NAV2: variants seen among roughly 807,000 people sequenced by gnomAD.
NAV2 encodes the protein neuron navigator 2.
NAV2 carries 54 observed loss-of-function variants against 223.2 expected under a neutral mutation model. That is an observed-to-expected ratio of 0.24 (90% CI 0.19 to 0.30). NAV2 has a LOEUF of 0.30. Among genes scored for constraint, NAV2 ranks in the 10% least tolerant of loss-of-function variants. The probability of loss-of-function intolerance (pLI) is 1.00; values close to 1 mark genes in which losing one functional copy is unlikely to be tolerated. For synonymous variants in NAV2, 1,279 were observed against 1,239.3 expected, an observed-to-expected ratio of 1.03 and a Z score of -0.67; for missense variants, 2,806 against 3,147.5, an observed-to-expected ratio of 0.89 and a Z score of 2.60.
intron 6 of NAV2, among the ~76,000 whole-genome samples, chr11:19,916,355 T>C (rs2043805127): frequency 6.6e-6 from 1 of 152,114 alleles, no homozygotes; most frequent in Admixed American, 6.5e-5. Context: ...CCAATTTTAC[T>C]AAGAAAGAGA....
At chr11:19,527,859 G>A (rs1307926901) in intron 1 of NAV2, among the ~76,000 whole-genome samples, 2 of 151,860 alleles carry the variant, frequency 1.3e-5, no homozygotes, top group South Asian at 2.1e-4. Flanking sequence ...CTACAGAGGG[G>A]AATTCTACAG....
rs146813450 is a variant in NAV2 at position 19,845,836 on chromosome 11, T to C, written c.438+2913T>C. Among the ~76,000 whole-genome samples, 114 of 152,294 alleles carry C rather than the reference T, an allele frequency of 7.5e-4. 1 individual carries two copies. The highest frequency in any genetic ancestry group is 1.3e-3 in the Non-Finnish European group (88 of 68,028). ...CAGCAGTGCATAATCATAATGGGCT[T>C]GGCATTGTGTACTTTTAGACTGTCA... On this transcript the variant is annotated intron_variant, in intron 3 of 37. Coordinates refer to ENST00000349880, the MANE Select transcript of NAV2 (RefSeq NM_145117.5).
chr11:19,801,255 T>C (rs2058236397), intron 1 of NAV2, among the ~76,000 whole-genome samples: 1 of 152,208 alleles, frequency 6.6e-6, no homozygotes, highest in Non-Finnish European at 1.5e-5. Flanking sequence ...TGGAAAATGG[T>C]AGTCAGTCTG....
chr11:20,012,089 G>A (rs972286438), intron 11 of NAV2, among the ~76,000 whole-genome samples: 3 of 152,132 alleles, frequency 2.0e-5, no homozygotes, highest in Admixed American at 6.5e-5. Flanking sequence ...TTTTCTATCC[G>A]TACTCCATTG....
chr11:19,491,690 G>T (rs1194015760), intron 1 of NAV2, among the ~76,000 whole-genome samples: 3 of 152,158 alleles, frequency 2.0e-5, no homozygotes, highest in African/African-American at 7.2e-5. Flanking sequence ...CTTATCACTT[G>T]TGTGTTCACT....
rs1591533915 is a variant in NAV2 at position 19,984,073 on chromosome 11, G to A, written c.2646-52G>A. On this transcript the variant is annotated intron_variant, in intron 10 of 37. Transcript: ENST00000349880. ...GCTTCTGGATATGAATGCAAGCCTG[G>A]AAGCCACTTGCTTTGGACATTCATG... 3.7e-6 allele frequency: 6 copies of A among 1,612,196 alleles called. No homozygotes were observed. The East Asian group carries it at 1.3e-4, about 36-fold the overall frequency.
rs552661837 is a variant in NAV2, at chr11:19,516,711, G to A, written c.75+165684G>A. ...TCTGCAGACAGAGAGTAGGAGAAAT[G>A]AGGACGGCAATAAAGCCAAGGGACT... is the stretch of plus-strand genomic sequence containing the variant. On this transcript the variant is annotated intron_variant, in intron 1 of 37. Coordinates refer to the NAV2 transcript ENST00000360655. Among the ~76,000 whole-genome samples the A allele has an allele frequency of 6.6e-5, 10 of 152,326 alleles. No homozygotes were observed. The South Asian group carries it at 2.1e-3, about 32-fold the overall frequency.
intron 1 of NAV2, among the ~76,000 whole-genome samples, chr11:19,815,949 G>A (rs2059069748): frequency 6.6e-6 from 1 of 152,160 alleles, no homozygotes; most frequent in Non-Finnish European, 1.5e-5. Flanking sequence ...CAGGACTTTG[G>A]AGAATAAATA....
chr11:20,103,031 G>A (rs1220741964), intron 32 of NAV2, among the ~76,000 whole-genome samples: 1 of 152,134 alleles, frequency 6.6e-6, no homozygotes, highest in Admixed American at 6.5e-5. Flanking sequence ...GGTGAATACT[G>A]GAAGTCAGGA....
chr11:19,923,654 C>A (rs1404778988), intron 6 of NAV2, among the ~76,000 whole-genome samples: 1 of 152,150 alleles, frequency 6.6e-6, no homozygotes, highest in African/African-American at 2.4e-5. Flanking sequence ...TAGTGTACAG[C>A]CATTGCATTC....
At chr11:20,054,940 A>T (rs1046458235) in intron 18 of NAV2, among the ~76,000 whole-genome samples, 12 of 152,234 alleles carry the variant, frequency 7.9e-5, no homozygotes, top group African/African-American at 2.7e-4. Flanking sequence ...ATTAGATAGC[A>T]AGCATTAGAC....
intron 6 of NAV2, among the ~76,000 whole-genome samples, chr11:19,904,003 C>T (rs550022860): frequency 2.9e-4 from 44 of 152,214 alleles, no homozygotes; most frequent in Non-Finnish European, 4.9e-4. Context: ...AAGCCGTCCA[C>T]CCACTCACTT....
At position 19,568,913 on chromosome 11, in the gene NAV2, C is replaced by T. The variant is rs60398858; in HGVS notation, c.75+217886C>T. 9.3e-3 allele frequency among the ~76,000 whole-genome samples: 1,411 copies of T among 152,334 alleles called. 25 individuals carry two copies. Among genetic ancestry groups the T allele is most frequent in the African/African-American group, 0.031 (1,301 of 41,562 alleles). Reference sequence around the variant, plus strand: ...CAGATGTACTGCCCTGGGTCTCCTACGCATCTTCTATGTGACAGGCAGCAT... The same window carrying T: ...CAGATGTACTGCCCTGGGTCTCCTATGCATCTTCTATGTGACAGGCAGCAT... On this transcript the variant is annotated intron_variant, in intron 1 of 37. Coordinates refer to the NAV2 transcript ENST00000360655.
At chr11:19,542,196 A>G (rs555499413) in intron 1 of NAV2, among the ~76,000 whole-genome samples, 60 of 152,306 alleles carry the variant, frequency 3.9e-4, no homozygotes, top group African/African-American at 1.4e-3. Context: ...CTGTTGTCCA[A>G]TTCTTGGCAA....
At chr11:19,530,720 G>A (rs1156273754) in intron 1 of NAV2, among the ~76,000 whole-genome samples, 4 of 152,162 alleles carry the variant, frequency 2.6e-5, no homozygotes, top group African/African-American at 4.8e-5. Context: ...AGTAATAAAC[G>A]ATAAAAAACC....
chr11:19,999,277 C>T (rs2052295077), intron 11 of NAV2, among the ~76,000 whole-genome samples: 1 of 152,246 alleles, frequency 6.6e-6, no homozygotes, highest in South Asian at 2.1e-4. Flanking sequence ...AACCATGGCC[C>T]AACTTGCCTT....
chr11:19,933,538 ACT>A lies in NAV2; in HGVS notation c.1297_1298del (p.Leu433AlafsTer39). 6.2e-7 allele frequency: 1 copy of A among 1,609,680 alleles called. No homozygotes were observed. The highest frequency in any genetic ancestry group is 8.5e-7 in the Non-Finnish European group (1 of 1,177,770). The part of the protein sequence containing the change: ...SRDTSCERLE[T>X]LPSFEESEEL... ...GGACACAAGCTGTGAGCGGCTGGAG[ACT>A]CTGCCCAGCTTCGAAGAGAGCGAGG... On this transcript the variant is annotated frameshift_variant, in exon 7 of 38. Coordinates refer to ENST00000349880, the MANE Select transcript of NAV2 (RefSeq NM_145117.5). LOFTEE classifies it high-confidence loss of function. The surrounding 1 kb of genome is among the most constrained non-coding windows in gnomAD (Gnocchi z 4.3).
chr11:19,440,880 G>A (rs1851376374), intron 1 of NAV2, among the ~76,000 whole-genome samples: 6 of 152,146 alleles, frequency 3.9e-5, no homozygotes, highest in Admixed American at 3.9e-4. Flanking sequence ...CTGCCCCATC[G>A]CTAAGTAGGC....
chr11:19,592,225 C>T (rs1278853442), intron 1 of NAV2, among the ~76,000 whole-genome samples: 1 of 152,100 alleles, frequency 6.6e-6, no homozygotes, highest in Non-Finnish European at 1.5e-5. Flanking sequence ...TGGTCACATA[C>T]CAGCTGCTTC....
Sources: allele counts gnomAD v4.1 joint callset (sites outside exome capture counted in the v4.1 genomes callset), GRCh38; gene constraint gnomAD v4.1.1; non-coding constraint Gnocchi (gnomAD v3.1); transcripts MANE v1.5; gene names NCBI Gene and HGNC (gene_info 2026-07-23, HGNC 2026-07-21).